Variants in MARCHF4 observed in about 807,000 individuals in gnomAD.
MARCHF4 encodes the protein E3 ubiquitin-protein ligase MARCHF4.
MARCHF4 carries 14 observed loss-of-function variants against 43.9 expected under a neutral mutation model. The ratio of observed to expected loss-of-function variants is 0.32; its 90% CI spans 0.21 to 0.50. The LOEUF (loss-of-function observed/expected upper bound fraction) is 0.50, where lower values mean the gene tolerates loss of function less well. Among genes scored for constraint, MARCHF4 ranks in the 20% least tolerant of loss-of-function variants. The pLI is 0.98. For missense variants in MARCHF4, 468 were observed against 536.7 expected, an observed-to-expected ratio of 0.87 and a Z score of 1.27; for synonymous variants, 226 against 213.3, an observed-to-expected ratio of 1.06 and a Z score of -0.52.
At chr2:216,262,082 A>G (rs1156656942) in intron 3 of MARCHF4, among the ~76,000 whole-genome samples, 1 of 152,248 alleles carries the variant, frequency 6.6e-6, no homozygotes, top group Non-Finnish European at 1.5e-5. Flanking sequence ...AAGTACACAT[A>G]TATTTTTTTT....
intron 3 of MARCHF4, among the ~76,000 whole-genome samples, chr2:216,261,267 C>T (rs1416437689): frequency 6.6e-6 from 1 of 152,126 alleles, no homozygotes; most frequent in African/African-American, 2.4e-5. Flanking sequence ...TTTCTGGAGG[C>T]TTTGAGGGGG....
rs58031229 is a variant in MARCHF4, at chr2:216,336,742, T to TAAAAAA, written c.516+32997_516+33002dup. On this transcript the variant is annotated intron_variant, in intron 1 of 3. Transcript: ENST00000273067. ...GGCAAATGGGAAAGGCAAATAGATTTAAAAAAAAAAAAAAAAAAAAAAAAA... is the reference window on the plus strand; with the variant it reads ...GGCAAATGGGAAAGGCAAATAGATTTAAAAAAAAAAAAAAAAAAAAAAAAAAAAAAA... Among the ~76,000 whole-genome samples the TAAAAAA allele has an allele frequency of 4.7e-3, 259 of 55,618 alleles. 7 individuals are homozygous for TAAAAAA. Among genetic ancestry groups the TAAAAAA allele is most frequent in the African/African-American group, 0.012 (238 of 19,544 alleles). 36.5% of individuals were successfully genotyped at this position (55,618 alleles called of 152,430 possible).
chr2:216,320,667 CTTTCTTTCT>C lies in MARCHF4; in HGVS notation c.517-36947_517-36939del, dbSNP rs1369807728. Among the ~76,000 whole-genome samples, 444 of 85,672 alleles carry C rather than the reference CTTTCTTTCT, an allele frequency of 5.2e-3. 9 individuals carry two copies. Among genetic ancestry groups the C allele is most frequent in the African/African-American group, 0.014 (229 of 16,766 alleles). 56.2% of individuals were successfully genotyped at this position (85,672 alleles called of 152,430 possible). ...TCTTTCTTTCTTTCTTTCTTTCTTT[CTTTCTTTCT>C]TTTTTTTTTTTTGAGATGGAGTCCC... is the stretch of plus-strand genomic sequence containing the variant. On this transcript the variant is annotated intron_variant, in intron 1 of 3. Transcript: ENST00000273067.
chr2:216,323,124 C>T (rs1047245824), intron 1 of MARCHF4, among the ~76,000 whole-genome samples: 3 of 152,124 alleles, frequency 2.0e-5, no homozygotes, highest in Non-Finnish European at 2.9e-5. Flanking sequence ...GTGTGTTCCT[C>T]ATTAGATGTT....
chr2:216,284,069 G>C (rs542552395), intron 1 of MARCHF4, among the ~76,000 whole-genome samples: 1 of 152,190 alleles, frequency 6.6e-6, no homozygotes, highest in Admixed American at 6.5e-5. Context: ...AAGTGTCTCC[G>C]TAAAGGCTCA....
chr2:216,292,666 T>C (rs941686615), intron 1 of MARCHF4, among the ~76,000 whole-genome samples: 3 of 152,210 alleles, frequency 2.0e-5, no homozygotes, highest in African/African-American at 4.8e-5. Context: ...ACCAACTTTA[T>C]TGGCACAACC....
chr2:216,358,359 C>T (rs1337727267), intron 1 of MARCHF4, among the ~76,000 whole-genome samples: 1 of 152,196 alleles, frequency 6.6e-6, no homozygotes, highest in Admixed American at 6.5e-5. Flanking sequence ...ATGCCAGGAA[C>T]AGTCTTCATT....
At chr2:216,330,210 G>T (rs1692065204) in intron 1 of MARCHF4, among the ~76,000 whole-genome samples, 1 of 152,132 alleles carries the variant, frequency 6.6e-6, no homozygotes, top group East Asian at 1.9e-4. Flanking sequence ...ATGCTGTAAT[G>T]AATGAATATG....
chr2:216,315,092 T>C (rs1235259487), intron 1 of MARCHF4, among the ~76,000 whole-genome samples: 5 of 151,812 alleles, frequency 3.3e-5, no homozygotes, highest in African/African-American at 4.8e-5. Flanking sequence ...AAACTAAATA[T>C]CAGAAAATTT....
chr2:216,266,356 C>T (rs1282644324), intron 3 of MARCHF4, among the ~76,000 whole-genome samples: 1 of 152,148 alleles, frequency 6.6e-6, no homozygotes, highest in Non-Finnish European at 1.5e-5. Context: ...ACACTCAATG[C>T]CACATGATAT....
chr2:216,295,912 C>T, intron 1 of MARCHF4, among the ~76,000 whole-genome samples: 1 of 152,198 alleles, frequency 6.6e-6, no homozygotes, highest in Admixed American at 6.5e-5. Context: ...CTGTGGGAGG[C>T]CGAGGCAGGT....
intron 3 of MARCHF4, among the ~76,000 whole-genome samples, chr2:216,275,256 G>A (rs751770515): frequency 2.4e-4 from 37 of 152,166 alleles, no homozygotes; most frequent in Non-Finnish European, 4.9e-4. Context: ...GAAACAGGAG[G>A]AGGAGGAGAG....
At chr2:216,362,451 T>A (rs1332893622) in intron 1 of MARCHF4, among the ~76,000 whole-genome samples, 1 of 152,240 alleles carries the variant, frequency 6.6e-6, no homozygotes, top group African/African-American at 2.4e-5. Flanking sequence ...TCAAGAGGGT[T>A]CTTTCAGACA....
At chr2:216,287,801 A>T (rs7573239) in intron 1 of MARCHF4, among the ~76,000 whole-genome samples, 51,016 of 134,878 alleles carry the variant, frequency 0.38, 9,660 homozygotes, top group Non-Finnish European at 0.43. Context: ...TAATAAAATT[A>T]AAAAAAAAAA....
At chr2:216,336,043 G>A (rs1184276578) in intron 1 of MARCHF4, among the ~76,000 whole-genome samples, 2 of 126,592 alleles carry the variant, frequency 1.6e-5, no homozygotes, top group Non-Finnish European at 3.1e-5. Flanking sequence ...ACTCTAGCCT[G>A]AGTGACAGAG....
rs79235366 is a variant in MARCHF4, at chr2:216,333,858, C to T, written c.516+35887G>A. Among the ~76,000 whole-genome samples, 490 of 152,172 alleles carry T rather than the reference C, an allele frequency of 3.2e-3. 2 individuals are homozygous for T. Among genetic ancestry groups the T allele is most frequent in the African/African-American group, 0.011 (473 of 41,492 alleles). On this transcript the variant is annotated intron_variant, in intron 1 of 3. Transcript: ENST00000273067. ...TGACCACAGCCTGGAGCCACCGTGG[C>T]GTAGAATGTGGGGGAAACTTTTGTG...
chr2:216,315,716 C>T (rs1319752856), intron 1 of MARCHF4, among the ~76,000 whole-genome samples: 1 of 152,154 alleles, frequency 6.6e-6, no homozygotes, highest in Non-Finnish European at 1.5e-5. Context: ...AAAATGTTAA[C>T]AATGGATTTC....
At chr2:216,307,277 T>C (rs1013664826) in intron 1 of MARCHF4, among the ~76,000 whole-genome samples, 2 of 151,994 alleles carry the variant, frequency 1.3e-5, no homozygotes, top group Non-Finnish European at 2.9e-5. Flanking sequence ...ATCAGTGTTG[T>C]TTTATCTAGA....
rs368040184 is a variant in MARCHF4, at chr2:216,294,606, T to G, written c.517-10877A>C. 2.6e-4 allele frequency among the ~76,000 whole-genome samples: 39 copies of G among 152,316 alleles called. No homozygotes were observed. The East Asian group carries it at 7.3e-3, about 29-fold the overall frequency. Reference sequence around the variant, plus strand: ...TTAAGCAATCTAAGCCTTGATTTCTTGGTTCTCAGAGTTTGGCATGTGTAA... The same window carrying G: ...TTAAGCAATCTAAGCCTTGATTTCTGGGTTCTCAGAGTTTGGCATGTGTAA... On this transcript the variant is annotated intron_variant, in intron 1 of 3. Transcript: ENST00000273067.
Sources: allele counts gnomAD v4.1 joint callset (sites outside exome capture counted in the v4.1 genomes callset), GRCh38; gene constraint gnomAD v4.1.1; transcripts MANE v1.5; gene names NCBI Gene and HGNC (gene_info 2026-07-23, HGNC 2026-07-21).